Variants in HSF2BP observed in about 807,000 individuals in gnomAD.
HSF2BP encodes the protein heat shock factor 2-binding protein.
A neutral mutation model predicts 35.0 loss-of-function variants in HSF2BP; 35 were observed. That is an observed-to-expected ratio of 1.00 (90% CI 0.76 to 1.32). The LOEUF (loss-of-function observed/expected upper bound fraction) is 1.32, where lower values mean the gene tolerates loss of function less well. Ranked by LOEUF, HSF2BP falls within the 40% of genes most tolerant of loss-of-function variation. HSF2BP has a pLI of 0.00. For synonymous variants in HSF2BP, 114 were observed against 117.4 expected, an observed-to-expected ratio of 0.97 and a Z score of 0.18; for missense variants, 326 against 321.7, an observed-to-expected ratio of 1.01 and a Z score of -0.10.
At chr21:43,611,085 A>T (rs1367285733) in intron 7 of HSF2BP, among the ~76,000 whole-genome samples, 1 of 152,130 alleles carries the variant, frequency 6.6e-6, no homozygotes. Flanking sequence ...AAAAATTTTT[A>T]AAATTTAACA....
intron 8 of HSF2BP, among the ~76,000 whole-genome samples, chr21:43,580,617 TAAA>T (rs1358056780): frequency 6.6e-6 from 1 of 152,232 alleles, no homozygotes; most frequent in Non-Finnish European, 1.5e-5. Flanking sequence ...TTTTAAAAGA[TAAA>T]AACCACATTT....
intron 8 of HSF2BP, among the ~76,000 whole-genome samples, chr21:43,584,995 ATTATTTAT>A (rs557734689): frequency 2.0e-5 from 3 of 151,482 alleles, no homozygotes; most frequent in Admixed American, 1.3e-4. Flanking sequence ...ATTTTATTTA[ATTATTTAT>A]TTATTTATTT....
chr21:43,647,821 C>T (rs1005118308), intron 3 of HSF2BP, among the ~76,000 whole-genome samples: 10 of 149,612 alleles, frequency 6.7e-5, no homozygotes, highest in Admixed American at 6.1e-4. Context: ...CCCAGCTACT[C>T]GGGAGGCTGA....
At chr21:43,644,697 T>C (rs1428105424) in intron 3 of HSF2BP, among the ~76,000 whole-genome samples, 6 of 152,194 alleles carry the variant, frequency 3.9e-5, no homozygotes, top group Admixed American at 3.9e-4. Context: ...ATTTAAAGGA[T>C]GGAAGGCAGA....
intron 5 of HSF2BP, 140 bp downstream of exon 5, chr21:43,633,132 T>A: frequency 1.2e-6 from 1 of 834,552 alleles, no homozygotes; most frequent in African/African-American, 1.7e-5. Context: ...ATACGATAAG[T>A]ATTCAATAAC....
Position 43,631,506 on chromosome 21 carries a change from C to T in HSF2BP, c.442-1052G>A, listed in dbSNP as rs141496441. ...CCTCATCAGTCATCCTGTGTAGACGCGATGTGCCACAACTCCACCTCCTAA... is the reference window on the plus strand; with the variant it reads ...CCTCATCAGTCATCCTGTGTAGACGTGATGTGCCACAACTCCACCTCCTAA... On this transcript the variant is annotated intron_variant, in intron 5 of 8. Transcript: ENST00000291560. 1.7e-3 allele frequency among the ~76,000 whole-genome samples: 254 copies of T among 151,932 alleles called. 1 individual carries two copies. The highest frequency in any genetic ancestry group is 2.3e-3 in the Non-Finnish European group (157 of 67,930).
rs144553650 is a variant in HSF2BP at position 43,650,890 on chromosome 21, T to A, written c.187+5697A>T. Among the ~76,000 whole-genome samples, 1,261 of 152,072 alleles carry A rather than the reference T, an allele frequency of 8.3e-3. 19 individuals carry two copies. The highest frequency in any genetic ancestry group is 0.027 in the African/African-American group (1,130 of 41,462). On this transcript the variant is annotated intron_variant, in intron 3 of 8. Transcript: ENST00000291560. ...ACCCGGCTAATTTTTGTATTTTTAG[T>A]AGAGATGGGGTTTCACCTTGTCGGC...
chr21:43,636,496 A>G lies in HSF2BP; in HGVS notation c.292-3075T>C, dbSNP rs573034284. Among the ~76,000 whole-genome samples the G allele has an allele frequency of 2.6e-5, 4 of 152,360 alleles. No homozygotes were observed. The South Asian group carries it at 6.2e-4, about 24-fold the overall frequency. Reference sequence around the variant, plus strand: ...CCACAGGCTAAGAGAAAGTACTTCTAATCACATATCTAAAAAAGGACTTGT... The same window carrying G: ...CCACAGGCTAAGAGAAAGTACTTCTGATCACATATCTAAAAAAGGACTTGT... On this transcript the variant is annotated intron_variant, in intron 4 of 8. Coordinates refer to ENST00000291560, the MANE Select transcript of HSF2BP (RefSeq NM_007031.2).
rs1449363557 is a variant in HSF2BP, at chr21:43,659,148, A to G, written c.-225+238T>C. The stretch of plus-strand genomic sequence containing the variant: ...CACCGTCTCTACAAAAAAATAACAA[A>G]TAGTGGGGCGTGATGGCGCGCGCCT... On this transcript the variant is annotated intron_variant, in intron 1 of 8. Coordinates refer to ENST00000291560, the MANE Select transcript of HSF2BP (RefSeq NM_007031.2). This position sits in a 1 kb window ranked among gnomAD's most constrained non-coding sequence, Gnocchi z 4.2. Among the ~76,000 whole-genome samples, 1 of 151,802 alleles carries G rather than the reference A, an allele frequency of 6.6e-6. No homozygotes were observed. Among genetic ancestry groups the G allele is most frequent in the Admixed American group, 6.6e-5 (1 of 15,252 alleles).
chr21:43,631,726 T>G (rs1213862521), intron 5 of HSF2BP, among the ~76,000 whole-genome samples: 3 of 152,052 alleles, frequency 2.0e-5, no homozygotes, highest in East Asian at 3.9e-4. Flanking sequence ...ACATTAACTC[T>G]CCACTGTGTC....
At chr21:43,573,941 T>C (rs1412678091) in intron 8 of HSF2BP, among the ~76,000 whole-genome samples, 1 of 152,182 alleles carries the variant, frequency 6.6e-6, no homozygotes, top group East Asian at 1.9e-4. Context: ...GAAGAAGTCA[T>C]CTTGTCTGCA....
rs1189960848 is a variant in HSF2BP, at chr21:43,597,228, G to A, written c.693-4900C>T. Among the ~76,000 whole-genome samples, 2 of 152,192 alleles carry A rather than the reference G, an allele frequency of 1.3e-5. No homozygotes were observed. Among genetic ancestry groups the A allele is most frequent in the African/African-American group, 4.8e-5 (2 of 41,438 alleles). On this transcript the variant is annotated intron_variant, in intron 7 of 8. Transcript: ENST00000291560. This position sits in a 1 kb window ranked among gnomAD's most constrained non-coding sequence, Gnocchi z 4.3. The stretch of plus-strand genomic sequence containing the variant: ...TGCAGACCACATCCAGAGAGCCAGA[G>A]CTCAGGTATGAGTCAGGCAAAGCTG...
At chr21:43,573,316 G>A (rs2081600193) in intron 8 of HSF2BP, among the ~76,000 whole-genome samples, 1 of 152,232 alleles carries the variant, frequency 6.6e-6, no homozygotes, top group Admixed American at 6.5e-5. Context: ...CCATGGCGGG[G>A]TGTTCCATTC....
intron 7 of HSF2BP, among the ~76,000 whole-genome samples, chr21:43,605,420 C>T (rs1434278228): frequency 6.7e-6 from 1 of 148,598 alleles, no homozygotes; most frequent in African/African-American, 2.5e-5. Context: ...ACCACACACA[C>T]ACTCCAACAC....
intron 8 of HSF2BP, among the ~76,000 whole-genome samples, chr21:43,589,298 A>G (rs1352294011): frequency 2.0e-5 from 3 of 152,176 alleles, no homozygotes; most frequent in African/African-American, 7.2e-5. Context: ...GAAACAAAGG[A>G]GGTCAGTTCC....
chr21:43,607,438 G>C (rs2082149028), intron 7 of HSF2BP, among the ~76,000 whole-genome samples: 1 of 152,070 alleles, frequency 6.6e-6, no homozygotes, highest in Non-Finnish European at 1.5e-5. Flanking sequence ...ACTGCTGAAA[G>C]AAGTATCATA....
intron 6 of HSF2BP, among the ~76,000 whole-genome samples, chr21:43,623,929 A>G (rs1264561322): frequency 6.6e-6 from 1 of 152,256 alleles, no homozygotes; most frequent in Non-Finnish European, 1.5e-5. Flanking sequence ...CCTAGAGATC[A>G]AGGTACATGA....
chr21:43,587,589 C>T (rs1462773222), intron 8 of HSF2BP, among the ~76,000 whole-genome samples: 2 of 149,172 alleles, frequency 1.3e-5, no homozygotes, highest in African/African-American at 5.0e-5. Context: ...CGCTTGAAGC[C>T]GGGAGGCGGA....
chr21:43,601,757 T>C (rs535876672), intron 7 of HSF2BP, among the ~76,000 whole-genome samples: 32 of 152,322 alleles, frequency 2.1e-4, no homozygotes, highest in African/African-American at 7.2e-4. Context: ...TTTGTTAATA[T>C]CTGGAAATGA....
Sources: gnomAD v4.1 joint callset for allele counts (sites outside exome capture counted in the v4.1 genomes callset) on GRCh38, gnomAD v4.1.1 for gene constraint, Gnocchi (gnomAD v3.1) non-coding constraint, MANE v1.5 for transcripts, NCBI Gene and HGNC (gene_info 2026-07-23, HGNC 2026-07-21) for gene names.